The following PAK1IP1 variants were observed in gnomAD, a reference collection of about 807,000 sequenced individuals.
The protein encoded by PAK1IP1 is p21-activated protein kinase-interacting protein 1.
PAK1IP1 carries 24 observed loss-of-function variants against 42.0 expected under a neutral mutation model. That is an observed-to-expected ratio of 0.57 (90% CI 0.41 to 0.80). The LOEUF is 0.80. PAK1IP1 is among the 30% of genes least tolerant of loss of function. The probability of loss-of-function intolerance (pLI) is 0.00; values close to 1 mark genes in which losing one functional copy is unlikely to be tolerated. For missense variants in PAK1IP1, 411 were observed against 467.9 expected, an observed-to-expected ratio of 0.88 and a Z score of 1.12; for synonymous variants, 154 against 156.7, an observed-to-expected ratio of 0.98 and a Z score of 0.13.
In PAK1IP1 at chr6:10,709,585, C is replaced by G; in HGVS notation, c.*133C>G. On this transcript the variant is annotated 3_prime_UTR_variant, in exon 10 of 10. Transcript: ENST00000379568. ...AAAAAATATATATATTAAAAAACCA[C>G]TTTTAGATGGTTTTTTTTAAAAAAA... The G allele has an allele frequency of 2.6e-6, 1 of 380,662 alleles. No homozygotes were observed. Among genetic ancestry groups the G allele is most frequent in the East Asian group, 4.1e-5 (1 of 24,146 alleles). The allele number at this position is 380,662 out of a possible 1,614,324, so 23.6% of individuals were successfully genotyped here.
chr6:10,694,425 C>G (rs1769672476), upstream of PAK1IP1: 2 of 154,722 alleles, frequency 1.3e-5, no homozygotes, highest in African/African-American at 4.8e-5. Context: ...ACTCCGAGTC[C>G]GTCAAGGCAG....
chr6:10,694,821 G>C, upstream of PAK1IP1: 3 of 573,568 alleles, frequency 5.2e-6, no homozygotes, highest in South Asian at 6.2e-5. Context: ...CGCGCTTAAA[G>C]TGTTTCCACG....
At chr6:10,706,822 G>C (rs935473134) in intron 7 of PAK1IP1, among the ~76,000 whole-genome samples, 1 of 151,676 alleles carries the variant, frequency 6.6e-6, no homozygotes, top group African/African-American at 2.4e-5. Context: ...GGCGGAGGTT[G>C]TGGTTAGCTG....
At chr6:10,694,173 T>C (rs1769624536), upstream of PAK1IP1, among the ~76,000 whole-genome samples, 1 of 150,602 alleles carries the variant, frequency 6.6e-6, no homozygotes, top group African/African-American at 2.5e-5. Flanking sequence ...GGCAGGAGAA[T>C]TGCTTGAACC....
chr6:10,694,607 G>A (rs975601774), upstream of PAK1IP1: 28 of 197,304 alleles, frequency 1.4e-4, no homozygotes, highest in South Asian at 1.7e-3. Flanking sequence ...TAAGCAACCG[G>A]CCGGAAGTCG....
At chr6:10,700,164 T>C (rs1430123414) in intron 2 of PAK1IP1, among the ~76,000 whole-genome samples, 1 of 152,082 alleles carries the variant, frequency 6.6e-6, no homozygotes, top group Non-Finnish European at 1.5e-5. Context: ...GTTTAAGCGA[T>C]TCTCCTGCCT....
At chr6:10,702,679 T>G in intron 4 of PAK1IP1, 40 bp downstream of exon 4, 1 of 1,374,594 alleles carries the variant, frequency 7.3e-7, no homozygotes. Flanking sequence ...CTAAGGTGTG[T>G]GTTTTACTAC....
upstream of PAK1IP1, among the ~76,000 whole-genome samples, chr6:10,693,135 TCACAGCCTGTTTAGCA>T: frequency 6.6e-6 from 1 of 152,344 alleles, no homozygotes; most frequent in East Asian, 1.9e-4. Flanking sequence ...ACGTTCCAGC[TCACAGCCTGTTTAGCA>T]AATCGGGTAT....
At chr6:10,694,594 C>A (rs957632887), upstream of PAK1IP1, 15 of 179,514 alleles carry the variant, frequency 8.4e-5, no homozygotes, top group African/African-American at 3.3e-4. Context: ...GCGCTACAGC[C>A]CCTAAGCAAC....
intron 4 of PAK1IP1, 91 bp downstream of exon 4, chr6:10,702,730 G>A: frequency 1.1e-6 from 1 of 921,810 alleles, no homozygotes. Flanking sequence ...CAAGGGAAAG[G>A]TCAAAAGCTG....
rs542686333 is a variant in PAK1IP1 at position 10,695,085 on chromosome 6, G to T, written c.84+16G>T. On this transcript the variant is annotated intron_variant, in intron 1 of 9. Transcript: ENST00000379568. ...CGACCACGAGGTGAGATACCGCGTA[G>T]TTAGAGACAGTCGGAGGCGGGGCCG... 2.6e-5 allele frequency: 40 copies of T among 1,549,310 alleles called. No homozygotes were observed. The South Asian group carries it at 4.0e-4, about 15-fold the overall frequency.
At chr6:10,703,047 C>T (rs528079619) in intron 4 of PAK1IP1, among the ~76,000 whole-genome samples, 1 of 152,152 alleles carries the variant, frequency 6.6e-6, no homozygotes, top group South Asian at 2.1e-4. Flanking sequence ...CCTCATGATC[C>T]GCCCGCCTCA....
At chr6:10,697,603 A>AT (rs148071529) in intron 2 of PAK1IP1, 117 bp downstream of exon 2, 12,798 of 822,028 alleles carry the variant, frequency 0.016, 721 homozygotes, top group African/African-American at 0.15. Flanking sequence ...AGATAGAGGA[A>AT]TTTTAAAAAA....
At chr6:10,693,619 GACCT>G (rs1406727963), upstream of PAK1IP1, among the ~76,000 whole-genome samples, 1 of 152,260 alleles carries the variant, frequency 6.6e-6, no homozygotes, top group African/African-American at 2.4e-5. Flanking sequence ...TTTACCAAAT[GACCT>G]ACTACGGTGT....
At chr6:10,700,408 G>T (rs912396127) in intron 2 of PAK1IP1, among the ~76,000 whole-genome samples, 1 of 152,152 alleles carries the variant, frequency 6.6e-6, no homozygotes, top group Non-Finnish European at 1.5e-5. Flanking sequence ...CGTTCATGAG[G>T]GTTTGCCCTT....
At chr6:10,694,927 TC>T, upstream of PAK1IP1, 1 of 1,013,650 alleles carries the variant, frequency 9.9e-7, no homozygotes, top group East Asian at 2.5e-5. Flanking sequence ...TTTTTTGGTT[TC>T]CGGTTCTGTC....
chr6:10,707,608 T>A, intron 8 of PAK1IP1, 94 bp downstream of exon 8: 1 of 716,142 alleles, frequency 1.4e-6, no homozygotes, highest in Non-Finnish European at 2.5e-6. Context: ...CATAGGTCTT[T>A]AAACTTTTTA....
chr6:10,699,524 C>T (rs1162493687), intron 2 of PAK1IP1, among the ~76,000 whole-genome samples: 1 of 152,144 alleles, frequency 6.6e-6, no homozygotes, highest in African/African-American at 2.4e-5. Flanking sequence ...TCAAGGTACC[C>T]AGGATAGTGG....
rs1478065056 is a variant in PAK1IP1 at position 10,702,405 on chromosome 6, A to G, written c.284A>G (p.His95Arg). 1.2e-6 allele frequency: 2 copies of G among 1,613,882 alleles called. No homozygotes were observed. The highest frequency in any genetic ancestry group is 1.7e-6 in the Non-Finnish European group (2 of 1,179,730). Residue 95 changes from histidine (H) to arginine (R), a missense_variant, in exon 3 of 10, where the codon CAT becomes CGT. His to Arg is a conservative substitution (Grantham distance 29). Transcript: ENST00000379568. Reference protein sequence around the residue: ...ITCLKFYGNRHLISGAEDGLI... With the variant: ...ITCLKFYGNRRLISGAEDGLI... ...TGCCTGAAATTCTATGGCAACAGGCATTTAATCAGTGGAGCGGAAGATGGA... is the reference window on the plus strand; with the variant it reads ...TGCCTGAAATTCTATGGCAACAGGCGTTTAATCAGTGGAGCGGAAGATGGA...
Sources: gnomAD v4.1 joint callset for allele counts (sites outside exome capture counted in the v4.1 genomes callset) on GRCh38, gnomAD v4.1.1 for gene constraint, MANE v1.5 for transcripts, NCBI Gene and HGNC (gene_info 2026-07-23, HGNC 2026-07-21) for gene names.